The following ERBB4 variants were observed in gnomAD, a reference collection of about 807,000 sequenced individuals.
The protein encoded by ERBB4 is erb-b2 receptor tyrosine kinase 4.
ERBB4 carries 42 observed loss-of-function variants against 158.0 expected under a neutral mutation model. The ratio of observed to expected loss-of-function variants is 0.27; its 90% CI spans 0.21 to 0.34. The LOEUF is 0.34. Ranked by LOEUF, ERBB4 falls within the 10% of genes least tolerant of loss-of-function variation. The pLI, the probability that ERBB4 is intolerant of heterozygous loss-of-function variation, is 1.00. For synonymous variants in ERBB4, 583 were observed against 558.7 expected (o/e 1.04, Z -0.61); for missense variants, 1,333 against 1,624.1 (o/e 0.82, Z 3.08).
chr2:212,468,154 G>A (rs1247649870), intron 1 of ERBB4, among the ~76,000 whole-genome samples: 1 of 152,178 alleles, frequency 6.6e-6, no homozygotes, highest in Admixed American at 6.5e-5. Context: ...TAGGCAGAAG[G>A]TACTTGCCTT....
At chr2:211,581,142 T>A (rs1319784105) in intron 19 of ERBB4, among the ~76,000 whole-genome samples, 1 of 151,092 alleles carries the variant, frequency 6.6e-6, no homozygotes, top group Non-Finnish European at 1.5e-5. Flanking sequence ...GGGTGAAGCA[T>A]ACAATACCAC....
At chr2:211,566,001 T>C (rs1277006640) in intron 19 of ERBB4, among the ~76,000 whole-genome samples, 1 of 152,154 alleles carries the variant, frequency 6.6e-6, no homozygotes, top group Non-Finnish European at 1.5e-5. Context: ...AGAGACCAGT[T>C]TCTATGCTTT....
intron 1 of ERBB4, among the ~76,000 whole-genome samples, chr2:212,147,157 A>ATTTTTTTT (rs71397161): frequency 0.012 from 399 of 34,256 alleles, 65 homozygotes; most frequent in African/African-American, 0.025. Context: ...TGCCCAGCTA[A>ATTTTTTTT]TTTTTTTTTT....
intron 20 of ERBB4, among the ~76,000 whole-genome samples, chr2:211,452,015 T>C (rs957619608): frequency 6.6e-6 from 1 of 151,814 alleles, no homozygotes; most frequent in African/African-American, 2.4e-5. Context: ...TAGAAAAATC[T>C]CTTTTTCATT....
chr2:212,229,072 A>G lies in ERBB4; in HGVS notation c.83-104169T>C, dbSNP rs376903600. Reference sequence around the variant, plus strand: ...GGACATATCAGTATGGATTCATGGGAAGAGAGAGAGACAGAGCACTGTAAG... The same window carrying G: ...GGACATATCAGTATGGATTCATGGGGAGAGAGAGAGACAGAGCACTGTAAG... On this transcript the variant is annotated intron_variant, in intron 1 of 27. Transcript: ENST00000342788. Among the ~76,000 whole-genome samples, 5 of 152,284 alleles carry G rather than the reference A, an allele frequency of 3.3e-5. No individual in the cohort carries two copies. The South Asian group carries it at 1.0e-3, about 32-fold the overall frequency.
intron 4 of ERBB4, among the ~76,000 whole-genome samples, chr2:211,772,832 TATACAC>T (rs1192012961): frequency 4.9e-4 from 7 of 14,226 alleles, no homozygotes; most frequent in East Asian, 2.7e-3. Flanking sequence ...TATATATATA[TATACAC>T]ATATATATAT....
chr2:212,132,970 T>C (rs1559559925), intron 1 of ERBB4, among the ~76,000 whole-genome samples: 1 of 152,070 alleles, frequency 6.6e-6, no homozygotes, highest in Non-Finnish European at 1.5e-5. Flanking sequence ...AAATAACAGG[T>C]CATACTTCCA....
intron 1 of ERBB4, among the ~76,000 whole-genome samples, chr2:212,162,480 A>G (rs181978949): frequency 3.0e-4 from 45 of 152,016 alleles, no homozygotes; most frequent in Non-Finnish European, 5.6e-4. Flanking sequence ...TATCTTGATA[A>G]GTATTTGCAC....
intron 20 of ERBB4, among the ~76,000 whole-genome samples, chr2:211,467,616 A>G (rs887078468): frequency 6.6e-6 from 1 of 152,146 alleles, no homozygotes; most frequent in Non-Finnish European, 1.5e-5. Flanking sequence ...GCTGAATTTC[A>G]TATCTAATAT....
intron 1 of ERBB4, among the ~76,000 whole-genome samples, chr2:212,352,934 A>G (rs913508036): frequency 6.6e-6 from 1 of 151,922 alleles, no homozygotes; most frequent in Non-Finnish European, 1.5e-5. Flanking sequence ...CAGTAGCACA[A>G]TTTTTTTTCA....
intron 1 of ERBB4, among the ~76,000 whole-genome samples, chr2:212,465,827 T>C (rs1484977545): frequency 6.6e-6 from 1 of 152,176 alleles, no homozygotes; most frequent in East Asian, 1.9e-4. Context: ...CACAGTCTAT[T>C]CTCTAACCTA....
chr2:211,403,921 C>T (rs2063095454), intron 25 of ERBB4, among the ~76,000 whole-genome samples: 2 of 152,068 alleles, frequency 1.3e-5, no homozygotes, highest in Admixed American at 1.3e-4. Context: ...TTTCCTTTGC[C>T]TAACATGAGG....
Position 211,383,962 on chromosome 2 carries a change from C to T in ERBB4, c.3580G>A (p.Gly1194Ser), listed in dbSNP as rs2125311665. The change falls in exon 28 of 28, where the codon GGT (glycine) becomes AGT (serine). Residue 1194 changes from glycine to serine, a missense_variant. By Grantham distance (56) the Gly-to-Ser change is moderately conservative. This residue lies in a region of ERBB4 where 252 missense variants were observed against 241.3 expected (regional missense o/e 1.04). Transcript: ENST00000342788. ...DNPEYHNASN[G>S]PPKAEDEYVN... Reference sequence around the variant, plus strand: ...TACTCATCCTCGGCCTTGGGTGGACCATTGGATGCATTGTGATATTCGGGA... The same window carrying T: ...TACTCATCCTCGGCCTTGGGTGGACTATTGGATGCATTGTGATATTCGGGA... The T allele has an allele frequency of 6.2e-7, 1 of 1,613,908 alleles. No homozygotes were observed. Among genetic ancestry groups the T allele is most frequent in the South Asian group, 1.1e-5 (1 of 91,068 alleles).
At chr2:212,386,589 A>AC (rs1156312820) in intron 1 of ERBB4, among the ~76,000 whole-genome samples, 2 of 148,198 alleles carry the variant, frequency 1.3e-5, no homozygotes, top group South Asian at 2.2e-4. Context: ...AAAAAAAAAA[A>AC]CCCATTAACT....
intron 5 of ERBB4, among the ~76,000 whole-genome samples, chr2:211,733,271 T>A (rs1467342661): frequency 1.3e-5 from 2 of 152,188 alleles, no homozygotes; most frequent in African/African-American, 4.8e-5. Flanking sequence ...TCTCCCTTCT[T>A]AATAGGCTAT....
intron 2 of ERBB4, among the ~76,000 whole-genome samples, chr2:212,003,141 G>GA: frequency 8.1e-4 from 15 of 18,574 alleles, no homozygotes; most frequent in African/African-American, 1.3e-3. Context: ...AGGAAGGAAG[G>GA]AAGGAAGGAA....
At chr2:211,517,140 A>G (rs2125630278) in intron 20 of ERBB4, among the ~76,000 whole-genome samples, 1 of 152,264 alleles carries the variant, frequency 6.6e-6, no homozygotes, top group African/African-American at 2.4e-5. Context: ...GCACATTAGA[A>G]TAAAAAGCTT....
rs571456757 is a variant in ERBB4 at position 212,030,975 on chromosome 2, C to A, written c.235-83359G>T. Among the ~76,000 whole-genome samples, 7 of 152,210 alleles carry A rather than the reference C, an allele frequency of 4.6e-5. No individual in the cohort carries two copies. In the South Asian group the frequency reaches 1.5e-3, roughly 32 times the overall value. ...TCCACCGACATTTAACACCAGGCTA[C>A]CATTCCAGCCTCATTACCTTTCACA... On this transcript the variant is annotated intron_variant, in intron 2 of 27. Coordinates refer to ENST00000342788, the MANE Select transcript of ERBB4 (RefSeq NM_005235.3).
At position 211,420,331 on chromosome 2, in the gene ERBB4, A is replaced by T; in HGVS notation, c.3135+110T>A. On this transcript the variant is annotated intron_variant, in intron 25 of 27. Transcript: ENST00000342788. The stretch of plus-strand genomic sequence containing the variant: ...GGTATGGTATATTTTTAATCTAGGC[A>T]TCACATTGATTTGAGCTATATAATT... The T allele has an allele frequency of 3.8e-6, 3 of 784,618 alleles. No homozygotes were observed. In the East Asian group the frequency reaches 8.1e-5, roughly 21 times the overall value. The allele number at this position is 784,618 out of a possible 1,614,324, so 48.6% of individuals were successfully genotyped here. A position where few individuals can be genotyped will look rare whatever the true frequency, so the allele number is the denominator to read the frequency against.
Sources: allele counts gnomAD v4.1 joint callset (sites outside exome capture counted in the v4.1 genomes callset), GRCh38; gene constraint gnomAD v4.1.1; regional missense constraint gnomAD v4.1.1; transcripts MANE v1.5; gene names NCBI Gene and HGNC (gene_info 2026-07-23, HGNC 2026-07-21).